The following LRRTM4 variants were observed in gnomAD, a reference collection of about 807,000 sequenced individuals.
LRRTM4 encodes leucine-rich repeat transmembrane neuronal protein 4.
LRRTM4 carries 25 observed loss-of-function variants against 47.6 expected under a neutral mutation model. The ratio of observed to expected loss-of-function variants is 0.53; its 90% CI spans 0.38 to 0.73. LRRTM4 has a LOEUF of 0.73. LRRTM4 is among the 30% of genes least tolerant of loss of function. The pLI is 0.00. For missense variants in LRRTM4, 638 were observed against 713.4 expected, an observed-to-expected ratio of 0.89 and a Z score of 1.20; for synonymous variants, 311 against 269.5, an observed-to-expected ratio of 1.15 and a Z score of -1.51.
At chr2:77,095,432 T>A (rs1670779352) in intron 3 of LRRTM4, among the ~76,000 whole-genome samples, 2 of 151,978 alleles carry the variant, frequency 1.3e-5, no homozygotes, top group South Asian at 4.1e-4. Flanking sequence ...AATTAATATG[T>A]CAAAGAGATA....
At chr2:76,777,146 G>A (rs1674053181) in intron 3 of LRRTM4, among the ~76,000 whole-genome samples, 1 of 150,306 alleles carries the variant, frequency 6.7e-6, no homozygotes, top group African/African-American at 2.4e-5. Flanking sequence ...GTACCATGCT[G>A]TTTTGGTTAC....
chr2:76,856,365 A>G (rs568792553), intron 3 of LRRTM4, among the ~76,000 whole-genome samples: 1 of 152,318 alleles, frequency 6.6e-6, no homozygotes, highest in East Asian at 1.9e-4. Context: ...AGTTAATTTT[A>G]TATTGGATAT....
At chr2:77,018,070 C>A (rs1023777340) in intron 3 of LRRTM4, among the ~76,000 whole-genome samples, 1 of 151,772 alleles carries the variant, frequency 6.6e-6, no homozygotes, top group African/African-American at 2.4e-5. Context: ...CTTTGGTATA[C>A]AAATTGTTTA....
chr2:77,247,925 TATG>T (rs1219329298), intron 3 of LRRTM4, among the ~76,000 whole-genome samples: 3 of 150,492 alleles, frequency 2.0e-5, no homozygotes, highest in Non-Finnish European at 4.4e-5. Flanking sequence ...TAATATGGTA[TATG>T]ATATTAATAA....
chr2:77,166,266 C>G (rs1020909415), intron 3 of LRRTM4, among the ~76,000 whole-genome samples: 2 of 152,108 alleles, frequency 1.3e-5, no homozygotes, highest in African/African-American at 2.4e-5. Context: ...TGAAGGACCT[C>G]TTCAAGGAGA....
chr2:77,183,652 T>C (rs1673416616), intron 3 of LRRTM4, among the ~76,000 whole-genome samples: 2 of 152,124 alleles, frequency 1.3e-5, no homozygotes, highest in Admixed American at 6.6e-5. Context: ...TGTGGCACTA[T>C]TCACAATAGC....
At chr2:76,875,804 A>G (rs1672761544) in intron 3 of LRRTM4, among the ~76,000 whole-genome samples, 1 of 152,156 alleles carries the variant, frequency 6.6e-6, no homozygotes, top group African/African-American at 2.4e-5. Context: ...GTCATTTCAT[A>G]TCCTCAATGA....
intron 3 of LRRTM4, among the ~76,000 whole-genome samples, chr2:77,401,195 G>A (rs1191177862): frequency 6.6e-6 from 1 of 151,824 alleles, no homozygotes; most frequent in Non-Finnish European, 1.5e-5. Context: ...CTAATTCTTG[G>A]GTCCCTCTGA....
chr2:77,433,604 T>C (rs925004466), intron 3 of LRRTM4, among the ~76,000 whole-genome samples: 2 of 152,202 alleles, frequency 1.3e-5, no homozygotes, highest in African/African-American at 4.8e-5. Context: ...TATTCTGATA[T>C]GTTTACCTAT....
At chr2:77,303,801 G>A (rs955978214) in intron 3 of LRRTM4, among the ~76,000 whole-genome samples, 8 of 151,996 alleles carry the variant, frequency 5.3e-5, no homozygotes, top group African/African-American at 1.9e-4. Context: ...TTCCTTTTAT[G>A]GCTGAATAGT....
At chr2:77,168,244 T>C (rs187287575) in intron 3 of LRRTM4, among the ~76,000 whole-genome samples, 31 of 152,212 alleles carry the variant, frequency 2.0e-4, no homozygotes, top group Non-Finnish European at 3.8e-4. Context: ...AAATGTCATA[T>C]TTTTCCTTCC....
chr2:76,956,600 TAATA>T lies in LRRTM4; in HGVS notation c.1552-207688_1552-207685del, dbSNP rs527684658. On this transcript the variant is annotated intron_variant, in intron 3 of 3. Coordinates refer to ENST00000409884, the MANE Select transcript of LRRTM4 (RefSeq NM_001134745.3). ...ACCTAAAGATAGCAGAAAATGAAAA[TAATA>T]AACACTTGATAAGAAAAAATAGAGA... 4.7e-5 allele frequency among the ~76,000 whole-genome samples: 7 copies of T among 149,550 alleles called. No individual in the cohort carries two copies. In the South Asian group the frequency reaches 1.3e-3, roughly 27 times the overall value.
intron 3 of LRRTM4, among the ~76,000 whole-genome samples, chr2:76,928,821 TAAGC>T (rs993499895): frequency 5.9e-5 from 9 of 152,146 alleles, no homozygotes; most frequent in African/African-American, 2.2e-4. Context: ...GAAAAAAAAT[TAAGC>T]AAAGCAAAGA....
chr2:77,030,749 C>A (rs1678624218), intron 3 of LRRTM4, among the ~76,000 whole-genome samples: 1 of 152,164 alleles, frequency 6.6e-6, no homozygotes, highest in Non-Finnish European at 1.5e-5. Context: ...CCAGTAATAT[C>A]CTGAAAGATG....
At chr2:76,832,840 G>C (rs1395405461) in intron 3 of LRRTM4, among the ~76,000 whole-genome samples, 2 of 152,046 alleles carry the variant, frequency 1.3e-5, no homozygotes, top group East Asian at 1.9e-4. Flanking sequence ...GTTTGCAGAG[G>C]AAAGCTGTGG....
intron 3 of LRRTM4, among the ~76,000 whole-genome samples, chr2:76,874,965 C>T (rs772884686): frequency 1.3e-4 from 20 of 152,042 alleles, no homozygotes; most frequent in African/African-American, 4.1e-4. Context: ...ATTTCTTATA[C>T]GTATTTGCAT....
intron 2 of LRRTM4, among the ~76,000 whole-genome samples, chr2:77,521,138 A>T (rs983490120): frequency 7.2e-5 from 11 of 151,790 alleles, no homozygotes; most frequent in Non-Finnish European, 1.5e-4. Context: ...GACAGGAGAA[A>T]GGGGGGGAAA....
chr2:76,932,482 AAGTT>A (rs1313257293), intron 3 of LRRTM4, among the ~76,000 whole-genome samples: 5 of 152,050 alleles, frequency 3.3e-5, no homozygotes, highest in African/African-American at 9.7e-5. Context: ...AGTAAAGTGA[AAGTT>A]AGGAGTGTGA....
At chr2:77,011,531 T>TTGTGTGTGTG (rs56982328) in intron 3 of LRRTM4, among the ~76,000 whole-genome samples, 188 of 144,130 alleles carry the variant, frequency 1.3e-3, no homozygotes, top group South Asian at 9.1e-4. Context: ...GAAGAAGCAT[T>TTGTGTGTGTG]TGTGTGTGTG....
Sources: gnomAD v4.1 joint callset for allele counts (sites outside exome capture counted in the v4.1 genomes callset) on GRCh38, gnomAD v4.1.1 for gene constraint, MANE v1.5 for transcripts, NCBI Gene and HGNC (gene_info 2026-07-23, HGNC 2026-07-21) for gene names.